Variants in PTK2 observed in about 807,000 individuals in gnomAD.
The protein encoded by PTK2 is focal adhesion kinase 1.
In PTK2, 45 loss-of-function variants were observed where a neutral mutation model predicts 150.1. The observed-to-expected ratio is 0.30, with a 90% CI of 0.24 to 0.38. PTK2 has a LOEUF of 0.38. PTK2 is among the 10% of genes least tolerant of loss of function. PTK2 has a pLI of 1.00. For missense variants in PTK2, 919 were observed against 1,307.3 expected, an observed-to-expected ratio of 0.70 and a Z score of 4.58; for synonymous variants, 432 against 449.2, an observed-to-expected ratio of 0.96 and a Z score of 0.48.
intron 12 of PTK2, among the ~76,000 whole-genome samples, chr8:140,793,894 G>A (rs2100090054): frequency 6.6e-6 from 1 of 152,226 alleles, no homozygotes; most frequent in South Asian, 2.1e-4. Context: ...ACAGCTGGCT[G>A]GAAGGTGAGC....
At chr8:140,903,851 C>T (rs2100159757) in intron 2 of PTK2, among the ~76,000 whole-genome samples, 1 of 152,092 alleles carries the variant, frequency 6.6e-6, no homozygotes, top group Admixed American at 6.5e-5. Flanking sequence ...ATTTTGAACC[C>T]TGAGATTTTG....
chr8:140,797,389 C>T (rs2100092325), intron 12 of PTK2, among the ~76,000 whole-genome samples: 2 of 152,106 alleles, frequency 1.3e-5, no homozygotes, highest in African/African-American at 4.8e-5. Context: ...AAAAATGTTA[C>T]CTTGTACTAA....
At chr8:140,717,975 A>G (rs1227219935) in intron 22 of PTK2, 1 of 352,454 alleles carries the variant, frequency 2.8e-6, no homozygotes, top group Non-Finnish European at 5.4e-6. Context: ...GTTGCAGAAA[A>G]TGAAGGATGG....
intron 1 of PTK2, among the ~76,000 whole-genome samples, chr8:140,983,197 G>A (rs2100192101): frequency 6.6e-6 from 1 of 151,988 alleles, no homozygotes; most frequent in Non-Finnish European, 1.5e-5. Context: ...GACCAGCCTG[G>A]CCAACAGAGC....
At chr8:140,710,976 C>A (rs114392776) in intron 23 of PTK2, among the ~76,000 whole-genome samples, 67 of 152,318 alleles carry the variant, frequency 4.4e-4, no homozygotes, top group African/African-American at 1.3e-3. Context: ...CACGCTCTGT[C>A]GCCTAGGCTG....
At chr8:140,762,337 A>C in intron 15 of PTK2, 31 bp downstream of exon 18, 1 of 1,153,558 alleles carries the variant, frequency 8.7e-7, no homozygotes, top group Non-Finnish European at 1.1e-6. Flanking sequence ...AATTGCAAGC[A>C]AATGCAGTTA....
Position 140,770,815 on chromosome 8 carries a change from A to G in PTK2, c.1178-6525T>C. 1 of 1,215,198 alleles carries G rather than the reference A, an allele frequency of 8.2e-7. No individual in the cohort carries two copies. The highest frequency in any genetic ancestry group is 1.1e-6 in the Non-Finnish European group (1 of 930,570). The allele number at this position is 1,215,198 out of a possible 1,614,324, so 75.3% of individuals were successfully genotyped here. A position where few individuals can be genotyped will look rare whatever the true frequency, so the allele number is the denominator to read the frequency against. On this transcript the variant is annotated intron_variant, in intron 14 of 31. Transcript: ENST00000522684. ...TGACTGACTCCTTTATAAAGAGGCA[A>G]GAGGGGAAAGAGAAAAATAGAAACA...
intron 7 of PTK2, among the ~76,000 whole-genome samples, chr8:140,832,319 C>T (rs567116252): frequency 7.9e-5 from 12 of 152,184 alleles, no homozygotes; most frequent in African/African-American, 2.9e-4. Flanking sequence ...CCTCCCAAAG[C>T]GCTGGGATTA....
chr8:140,727,709 A>C (rs2100046746), intron 22 of PTK2, among the ~76,000 whole-genome samples: 1 of 152,206 alleles, frequency 6.6e-6, no homozygotes, highest in African/African-American at 2.4e-5. Flanking sequence ...TGCTGTTCAC[A>C]GATTAATATT....
At chr8:140,818,457 T>A in intron 9 of PTK2, 103 bp from the exon 10 acceptor site, 1 of 986,166 alleles carries the variant, frequency 1.0e-6, no homozygotes. Flanking sequence ...CAGGGGCTGG[T>A]TTGGTTTGCT....
intron 12 of PTK2, among the ~76,000 whole-genome samples, chr8:140,794,628 GCCTCCCGAA>G (rs2100090544): frequency 1.3e-5 from 2 of 152,248 alleles, no homozygotes; most frequent in East Asian, 3.9e-4. Context: ...CCCACCCTGG[GCCTCCCGAA>G]CCTTGTACTA....
At chr8:140,749,087 T>G (rs576282321) in intron 17 of PTK2, among the ~76,000 whole-genome samples, 1 of 152,360 alleles carries the variant, frequency 6.6e-6, no homozygotes, top group South Asian at 2.1e-4. Context: ...GTGGGTGTTC[T>G]GTCTAGCTCA....
chr8:140,930,825 G>C (rs1203131417), intron 1 of PTK2, among the ~76,000 whole-genome samples: 1 of 152,134 alleles, frequency 6.6e-6, no homozygotes, highest in East Asian at 1.9e-4. Flanking sequence ...TGTAATCCCA[G>C]CACTTTGAGA....
chr8:140,690,882 G>A (rs1250388271), intron 26 of PTK2, among the ~76,000 whole-genome samples: 1 of 152,142 alleles, frequency 6.6e-6, no homozygotes, highest in Non-Finnish European at 1.5e-5. Flanking sequence ...AGGTGGCCTG[G>A]GTTCTAATGA....
rs937328682 is a variant in PTK2, at chr8:140,676,246, C to T, written c.2563-747G>A. 9.2e-5 allele frequency among the ~76,000 whole-genome samples: 14 copies of T among 151,876 alleles called. No homozygotes were observed. In the South Asian group the frequency reaches 1.2e-3, roughly 14 times the overall value. On this transcript the variant is annotated intron_variant, in intron 27 of 31. Coordinates refer to ENST00000522684, the Ensembl canonical transcript of PTK2. ...CAAAAATTAGCTGGGCGTGGTGGTA[C>T]GTGGGTGTAATCCCAGTTACCTGGG...
In PTK2 at chr8:140,669,927, T is replaced by G. The variant is rs937509433; in HGVS notation, c.2710-1503A>C. 140 of 634,896 alleles carry G rather than the reference T, an allele frequency of 2.2e-4. 1 individual carries two copies. Among genetic ancestry groups the G allele is most frequent in the Middle Eastern group, 5.2e-4 (2 of 3,860 alleles). 39.3% of individuals were successfully genotyped at this position (634,896 alleles called of 1,614,324 possible). A position where few individuals can be genotyped will look rare whatever the true frequency, so the allele number is the denominator to read the frequency against. ...GCCAGGGTGTGGCTACTGTGCCACC[T>G]GCTCACTGCCCCAGCATACTGCATA... On this transcript the variant is annotated intron_variant, in intron 29 of 31. Coordinates refer to ENST00000522684, the Ensembl canonical transcript of PTK2.
intron 1 of PTK2, among the ~76,000 whole-genome samples, chr8:140,956,829 C>T (rs2100181362): frequency 6.6e-6 from 1 of 152,140 alleles, no homozygotes; most frequent in South Asian, 2.1e-4. Context: ...CTTTGGGAGG[C>T]TGTGGGTGGA....
intron 1 of PTK2, among the ~76,000 whole-genome samples, chr8:140,963,613 G>T (rs1447120200): frequency 3.3e-5 from 5 of 152,164 alleles, no homozygotes; most frequent in Non-Finnish European, 7.3e-5. Context: ...GTACCTACCT[G>T]AGTGACCTTT....
chr8:140,860,830 T>C (rs2100135640), intron 5 of PTK2, among the ~76,000 whole-genome samples: 2 of 152,216 alleles, frequency 1.3e-5, no homozygotes, highest in African/African-American at 4.8e-5. Flanking sequence ...GTACCACCTT[T>C]AACTTCCTCC....
Sources: allele counts gnomAD v4.1 joint callset (sites outside exome capture counted in the v4.1 genomes callset), GRCh38; gene constraint gnomAD v4.1.1; transcripts MANE v1.5; gene names NCBI Gene and HGNC (gene_info 2026-07-23, HGNC 2026-07-21).